LACTBL1: variants seen among roughly 807,000 people sequenced by gnomAD.
The protein encoded by LACTBL1 is beta-lactamase-like protein 1.
LACTBL1 carries 29 observed loss-of-function variants against 39.6 expected under a neutral mutation model. That is an observed-to-expected ratio of 0.73 (90% CI 0.55 to 1.00). The LOEUF (loss-of-function observed/expected upper bound fraction) is 1.00. Ranked by LOEUF, LACTBL1 falls within the 50% of genes least tolerant of loss-of-function variation. The pLI is 0.00. For missense variants in LACTBL1, 711 were observed against 748.5 expected (o/e 0.95, Z 0.59); for synonymous variants, 361 against 360.7 (o/e 1.00, Z -0.01).
chr1:22,962,868 G>T (rs1640839314), intron 2 of LACTBL1, among the ~76,000 whole-genome samples: 1 of 152,126 alleles, frequency 6.6e-6, no homozygotes, highest in African/African-American at 2.4e-5. Context: ...TCTTGCCCCA[G>T]GATTATAAAT....
chr1:22,962,194 A>G lies in LACTBL1; in HGVS notation c.159+913T>C, dbSNP rs528126095. ...ATTGTTGCTTTTATGAAAATTTGCT[A>G]TAACTCCTGAAAGCCACATAGCACC... On this transcript the variant is annotated intron_variant, in intron 2 of 5. Transcript: ENST00000426928. Among the ~76,000 whole-genome samples the G allele has an allele frequency of 3.9e-5, 6 of 152,252 alleles. No individual in the cohort carries two copies. The South Asian group carries it at 1.0e-3, about 26-fold the overall frequency.
chr1:22,959,803 TA>T, intron 3 of LACTBL1, 138 bp downstream of exon 5: 1 of 1,023,328 alleles, frequency 9.8e-7, no homozygotes, highest in Non-Finnish European at 1.4e-6. Context: ...TCCTCTTCTA[TA>T]AAACTGTCAA....
upstream of LACTBL1, among the ~76,000 whole-genome samples, chr1:22,967,660 G>GAC (rs1387965804): frequency 5.9e-5 from 9 of 151,448 alleles, no homozygotes; most frequent in South Asian, 2.1e-4. Context: ...GAGAGAGAGA[G>GAC]AGACAGACAG....
exon 6 of LACTBL1, chr1:22,953,502 C>T: frequency 1.6e-6 from 2 of 1,232,644 alleles, no homozygotes; most frequent in South Asian, 4.0e-5. Context: ...CCAGGTCGGG[C>T]CCGGGCGGCC....
the LACTBL1 span, among the ~76,000 whole-genome samples, chr1:22,970,805 G>C: frequency 8.2e-6 from 1 of 122,566 alleles, no homozygotes; most frequent in Non-Finnish European, 1.6e-5. Context: ...GCAAGACCCT[G>C]TCTCAAAAAA....
At chr1:22,958,142 T>C (rs1640780939) in intron 4 of LACTBL1, among the ~76,000 whole-genome samples, 1 of 152,220 alleles carries the variant, frequency 6.6e-6, no homozygotes, top group Admixed American at 6.5e-5. Context: ...GATCTTACTA[T>C]GTCATTAATC....
At chr1:22,971,743 C>T in the LACTBL1 span, among the ~76,000 whole-genome samples, 2 of 152,316 alleles carry the variant, frequency 1.3e-5, no homozygotes, top group East Asian at 3.9e-4. Context: ...TCTGGCTCTG[C>T]CGTTACTAGT....
At chr1:22,953,199 G>A (rs1570496560) in exon 6 of LACTBL1, 3 of 1,232,148 alleles carry the variant, frequency 2.4e-6, no homozygotes, top group South Asian at 4.1e-5. Context: ...ACGCGTCGCC[G>A]AGTGGCAGTG....
intron 1 of LACTBL1, 69 bp from the exon 4 acceptor site, chr1:22,963,285 C>T (rs887298084): frequency 3.3e-6 from 3 of 911,582 alleles, no homozygotes; most frequent in Non-Finnish European, 4.6e-6. Context: ...AAAGTGGCAG[C>T]AAAGGCCAGA....
At chr1:22,970,611 C>G in the LACTBL1 span, among the ~76,000 whole-genome samples, 1 of 151,888 alleles carries the variant, frequency 6.6e-6, no homozygotes, top group Non-Finnish European at 1.5e-5. Context: ...AGTTCAAGAC[C>G]AGGCTGGGCA....
At chr1:22,957,146 A>G (rs1216296807) in intron 4 of LACTBL1, among the ~76,000 whole-genome samples, 2 of 152,004 alleles carry the variant, frequency 1.3e-5, no homozygotes, top group African/African-American at 4.8e-5. Context: ...CTTTTTTCCT[A>G]CTTAGTATTC....
At chr1:22,957,363 A>C (rs1640772067) in intron 4 of LACTBL1, among the ~76,000 whole-genome samples, 2 of 152,208 alleles carry the variant, frequency 1.3e-5, no homozygotes, top group African/African-American at 2.4e-5. Context: ...AGGTGAGTAC[A>C]TCTGTAAGAG....
chr1:22,962,406 A>G (rs6426776), intron 2 of LACTBL1, among the ~76,000 whole-genome samples: 115,487 of 152,012 alleles, frequency 0.76, 45,482 homozygotes, highest in Non-Finnish European at 0.87. Context: ...TGTTTCACTC[A>G]TCTCCATGTC....
At chr1:22,953,649 C>A in exon 6 of LACTBL1, 2 of 1,271,850 alleles carry the variant, frequency 1.6e-6, no homozygotes, top group East Asian at 3.2e-5. Context: ...ACGGCGTGCC[C>A]GTCTCGTTGG....
At chr1:22,956,143 C>T (rs951519044) in intron 4 of LACTBL1, among the ~76,000 whole-genome samples, 5 of 150,744 alleles carry the variant, frequency 3.3e-5, no homozygotes, top group East Asian at 2.0e-4. Context: ...GAGGCTGAGG[C>T]GGGAGGATCA....
upstream of LACTBL1, among the ~76,000 whole-genome samples, chr1:22,966,332 G>A (rs1184898537): frequency 2.0e-5 from 3 of 152,166 alleles, no homozygotes; most frequent in African/African-American, 7.2e-5. Flanking sequence ...ACGAGGAGAT[G>A]GGTGTTAACC....
At chr1:22,955,261 C>A in intron 5 of LACTBL1, 60 bp downstream of exon 7, 1 of 1,338,284 alleles carries the variant, frequency 7.5e-7, no homozygotes, top group South Asian at 1.3e-5. Flanking sequence ...CTTTGCCAGG[C>A]AGGTGTGTCT....
intron 4 of LACTBL1, among the ~76,000 whole-genome samples, chr1:22,957,853 T>C (rs1640777884): frequency 1.3e-5 from 2 of 152,012 alleles, no homozygotes; most frequent in Admixed American, 6.6e-5. Flanking sequence ...CGTTTCACCA[T>C]GTTGGCCAGG....
chr1:22,954,401 T>G (rs1050070902), intron 5 of LACTBL1, among the ~76,000 whole-genome samples: 2 of 152,178 alleles, frequency 1.3e-5, no homozygotes, highest in Non-Finnish European at 2.9e-5. Flanking sequence ...ATAGTGACCA[T>G]GTATGAGGCA....
Sources: allele counts gnomAD v4.1 joint callset (sites outside exome capture counted in the v4.1 genomes callset), GRCh38; gene constraint gnomAD v4.1.1; transcripts MANE v1.5; gene names NCBI Gene and HGNC (gene_info 2026-07-23, HGNC 2026-07-21).